The following NDUFS4 variants were observed in gnomAD, a reference collection of about 807,000 sequenced individuals.
NDUFS4 encodes the protein NADH:ubiquinone oxidoreductase subunit S4.
In NDUFS4, 28 loss-of-function variants were observed where a neutral mutation model predicts 24.3. The ratio of observed to expected loss-of-function variants is 1.15; its 90% CI spans 0.85 to 1.58. The LOEUF is 1.58. NDUFS4 is among the 40% of genes most tolerant of loss of function. NDUFS4 has a pLI of 0.00. For missense variants in NDUFS4, 223 were observed against 207.9 expected, an observed-to-expected ratio of 1.07 and a Z score of -0.45; for synonymous variants, 93 against 69.7, an observed-to-expected ratio of 1.34 and a Z score of -1.67.
intron 2 of NDUFS4, among the ~76,000 whole-genome samples, chr5:53,605,101 A>G (rs1482540773): frequency 6.6e-6 from 1 of 152,092 alleles, no homozygotes; most frequent in Non-Finnish European, 1.5e-5. Flanking sequence ...GGTGCCTGTA[A>G]TCTCAGCTAC....
In NDUFS4 at chr5:53,646,366, G is replaced by C; in HGVS notation, c.311G>C (p.Arg104Thr). 1 of 1,613,878 alleles carries C rather than the reference G, an allele frequency of 6.2e-7. No homozygotes were observed. The highest frequency in any genetic ancestry group is 8.5e-7 in the Non-Finnish European group (1 of 1,179,824). Residue 104 changes from arginine (R) to threonine (T), a missense_variant, in exon 3 of 5, where the codon AGA becomes ACA. Physicochemically the swap from Arg to Thr is moderately conservative, Grantham distance 71. Transcript: ENST00000296684. Reference protein sequence around the residue: ...TKKWKMEFDTRERWENPLMGW... With the variant: ...TKKWKMEFDTTERWENPLMGW... ...AAATGGAAGATGGAGTTTGATACCA[G>C]AGAGCGATGGGAAAATCCTTTGATG...
At chr5:53,592,427 A>G (rs541593380) in intron 1 of NDUFS4, among the ~76,000 whole-genome samples, 1 of 152,092 alleles carries the variant, frequency 6.6e-6, no homozygotes, top group African/African-American at 2.4e-5. Flanking sequence ...TTTATTTTTC[A>G]TGGATCATTT....
intron 1 of NDUFS4, among the ~76,000 whole-genome samples, chr5:53,562,773 GA>G (rs1478665083): frequency 6.6e-6 from 1 of 152,104 alleles, no homozygotes; most frequent in Non-Finnish European, 1.5e-5. Context: ...ATGAGGATCT[GA>G]AAAAGGTGAG....
At chr5:53,650,236 A>G (rs1038512353) in intron 3 of NDUFS4, among the ~76,000 whole-genome samples, 1 of 152,226 alleles carries the variant, frequency 6.6e-6, no homozygotes, top group East Asian at 1.9e-4. Context: ...GTTGATGAGT[A>G]AAATACTTTA....
In NDUFS4 at chr5:53,677,297, G is replaced by T. The variant is rs781024553; in HGVS notation, c.425-5821G>T. Among the ~76,000 whole-genome samples the T allele has an allele frequency of 5.3e-5, 8 of 152,116 alleles. 1 individual carries two copies. The highest frequency in any genetic ancestry group is 1.3e-4 in the Admixed American group (2 of 15,266). ...AAAGCAGTAATTTGGGGTTTGAGAG[G>T]TGGCAATACTCTACAGCAGGTGTAG... is the stretch of plus-strand genomic sequence containing the variant. On this transcript the variant is annotated intron_variant, in intron 4 of 4. Transcript: ENST00000296684.
At chr5:53,646,083 G>T (rs1751853598) in intron 2 of NDUFS4, 150 bp from the exon 3 acceptor site, 2 of 659,532 alleles carry the variant, frequency 3.0e-6, no homozygotes, top group Non-Finnish European at 5.3e-6. Flanking sequence ...ACATTGTAAA[G>T]TATCAGAATG....
At chr5:53,581,553 G>A (rs1749567625) in intron 1 of NDUFS4, among the ~76,000 whole-genome samples, 1 of 151,966 alleles carries the variant, frequency 6.6e-6, no homozygotes, top group Non-Finnish European at 1.5e-5. Context: ...TCTCTTTTCT[G>A]TAATTAAGGC....
At chr5:53,566,972 C>G (rs1452018376) in intron 1 of NDUFS4, among the ~76,000 whole-genome samples, 1 of 151,756 alleles carries the variant, frequency 6.6e-6, no homozygotes, top group Non-Finnish European at 1.5e-5. Flanking sequence ...CCTCAGCCTC[C>G]CGAGTAGCTG....
intron 4 of NDUFS4, among the ~76,000 whole-genome samples, chr5:53,663,370 A>G (rs531100165): frequency 9.8e-4 from 149 of 152,180 alleles, no homozygotes; most frequent in African/African-American, 3.5e-3. Context: ...AGCTGAGTTC[A>G]ATTCCTGGGT....
intron 2 of NDUFS4, among the ~76,000 whole-genome samples, chr5:53,636,499 C>T (rs559068090): frequency 6.6e-6 from 1 of 152,254 alleles, no homozygotes; most frequent in Non-Finnish European, 1.5e-5. Flanking sequence ...AAACAATGTG[C>T]TGGGATCTAA....
At chr5:53,668,533 A>G (rs1007425830) in intron 4 of NDUFS4, among the ~76,000 whole-genome samples, 3 of 151,462 alleles carry the variant, frequency 2.0e-5, no homozygotes, top group Non-Finnish European at 4.4e-5. Context: ...ATCTTGGCTC[A>G]CTGCAACCTC....
chr5:53,588,276 A>G lies in NDUFS4; in HGVS notation c.99-15176A>G, dbSNP rs533870293. 1.3e-4 allele frequency among the ~76,000 whole-genome samples: 20 copies of G among 152,298 alleles called. No individual in the cohort carries two copies. In the East Asian group the frequency reaches 2.7e-3, roughly 21 times the overall value. On this transcript the variant is annotated intron_variant, in intron 1 of 4. Coordinates refer to ENST00000296684, the MANE Select transcript of NDUFS4 (RefSeq NM_002495.4). The stretch of plus-strand genomic sequence containing the variant: ...AATGTTAACGATCATCTGAGCCTTC[A>G]GTGGGGTTCTCTTTCCTCTCTTGCC...
chr5:53,638,170 A>G (rs947617529), intron 2 of NDUFS4, among the ~76,000 whole-genome samples: 1 of 152,110 alleles, frequency 6.6e-6, no homozygotes, highest in Admixed American at 6.6e-5. Context: ...ATACTCATAG[A>G]TAATAATTTT....
At chr5:53,680,783 C>T (rs1211776402) in intron 4 of NDUFS4, among the ~76,000 whole-genome samples, 1 of 152,096 alleles carries the variant, frequency 6.6e-6, no homozygotes, top group African/African-American at 2.4e-5. Context: ...CAGCATGGCA[C>T]ATGTATACAT....
At chr5:53,637,178 G>A (rs1579905124) in intron 2 of NDUFS4, among the ~76,000 whole-genome samples, 2 of 150,932 alleles carry the variant, frequency 1.3e-5, no homozygotes, top group East Asian at 2.0e-4. Flanking sequence ...CTTTGCATTC[G>A]TAGAGATGAG....
intron 1 of NDUFS4, among the ~76,000 whole-genome samples, chr5:53,596,201 C>T (rs1750127925): frequency 6.6e-6 from 1 of 151,792 alleles, no homozygotes; most frequent in African/African-American, 2.4e-5. Flanking sequence ...GAGGCCGAGG[C>T]AGGAGGATTG....
intron 3 of NDUFS4, among the ~76,000 whole-genome samples, chr5:53,656,190 T>A (rs1372381023): frequency 1.4e-5 from 2 of 141,584 alleles, no homozygotes; most frequent in Non-Finnish European, 3.0e-5. Context: ...TCCTTTTTTT[T>A]AAAGATTGAA....
intron 2 of NDUFS4, among the ~76,000 whole-genome samples, chr5:53,638,301 C>G (rs1268304679): frequency 6.6e-6 from 1 of 151,846 alleles, no homozygotes; most frequent in African/African-American, 2.4e-5. Flanking sequence ...TTCCAGGGAC[C>G]CTCTGGAAAG....
intron 4 of NDUFS4, among the ~76,000 whole-genome samples, chr5:53,676,561 A>G (rs1180629381): frequency 6.6e-6 from 1 of 152,222 alleles, no homozygotes; most frequent in Non-Finnish European, 1.5e-5. Context: ...GGAACACTAG[A>G]TAACATTTCA....
Sources: allele counts gnomAD v4.1 joint callset (sites outside exome capture counted in the v4.1 genomes callset), GRCh38; gene constraint gnomAD v4.1.1; transcripts MANE v1.5; gene names NCBI Gene and HGNC (gene_info 2026-07-23, HGNC 2026-07-21).